The following SASH1 variants were observed in gnomAD, a reference collection of about 807,000 sequenced individuals.
SASH1 encodes SAM and SH3 domain-containing protein 1.
In SASH1, 44 loss-of-function variants were observed where a neutral mutation model predicts 125.2. The ratio of observed to expected loss-of-function variants is 0.35; its 90% CI spans 0.28 to 0.45. The LOEUF is 0.45. Ranked by LOEUF, SASH1 falls within the 20% of genes least tolerant of loss-of-function variation. The pLI, the probability that SASH1 is intolerant of heterozygous loss-of-function variation, is 1.00. For missense variants in SASH1, 1,426 were observed against 1,614.5 expected (o/e 0.88, Z 2.00); for synonymous variants, 639 against 649.1 (o/e 0.98, Z 0.24).
the SASH1 span, among the ~76,000 whole-genome samples, chr6:148,229,749 T>C: frequency 7.5e-6 from 1 of 133,862 alleles, no homozygotes. Flanking sequence ...TGAGACAGAG[T>C]CTTGCTCTGT....
At chr6:148,204,983 A>G in the SASH1 span, among the ~76,000 whole-genome samples, 2 of 152,150 alleles carry the variant, frequency 1.3e-5, no homozygotes, top group African/African-American at 2.4e-5. Context: ...ATCAATGAGC[A>G]TTCAGGAGAT....
chr6:148,416,334 C>A (rs1784814502), intron 2 of SASH1, among the ~76,000 whole-genome samples: 1 of 151,520 alleles, frequency 6.6e-6, no homozygotes, highest in South Asian at 2.1e-4. Flanking sequence ...CCTAAAGTGT[C>A]CTCTGTATCC....
intron 1 of SASH1, 61 bp downstream of exon 1, chr6:148,343,284 CG>C: frequency 3.4e-6 from 5 of 1,491,378 alleles, no homozygotes; most frequent in East Asian, 2.5e-5. Context: ...CCTCTGAAAC[CG>C]GGGGCTCCCT....
chr6:148,326,371 T>TGCATATATATATATATGC (rs1780821965), intron 1 of SASH1, among the ~76,000 whole-genome samples: 2 of 74,494 alleles, frequency 2.7e-5, no homozygotes, highest in African/African-American at 4.4e-5. Context: ...TATATATATA[T>TGCATATATATATATATGC]ATACATTCTT....
chr6:148,520,635 A>G (rs1780752609), intron 10 of SASH1, among the ~76,000 whole-genome samples: 1 of 152,146 alleles, frequency 6.6e-6, no homozygotes, highest in Non-Finnish European at 1.5e-5. Context: ...AAGCTAATCC[A>G]GAGAGGGGCT....
At chr6:148,411,359 A>C (rs1327416958) in intron 2 of SASH1, among the ~76,000 whole-genome samples, 2 of 152,142 alleles carry the variant, frequency 1.3e-5, no homozygotes, top group African/African-American at 2.4e-5. Context: ...CCCAGTAAAC[A>C]TACGCACATA....
chr6:148,214,483 A>G, the SASH1 span, among the ~76,000 whole-genome samples: 6 of 152,320 alleles, frequency 3.9e-5, no homozygotes, highest in African/African-American at 1.2e-4. Context: ...TAAAATTAGT[A>G]TTACCCCATA....
the SASH1 span, among the ~76,000 whole-genome samples, chr6:148,248,878 G>A: frequency 2.6e-5 from 4 of 152,184 alleles, no homozygotes; most frequent in African/African-American, 9.7e-5. Context: ...GGACCACTGT[G>A]GATGTTAAAT....
intron 4 of SASH1, among the ~76,000 whole-genome samples, chr6:148,457,739 A>T (rs2115065564): frequency 6.6e-6 from 1 of 152,314 alleles, no homozygotes; most frequent in South Asian, 2.1e-4. Context: ...TTTATAAAGG[A>T]AAGAGGTTTA....
At chr6:148,432,741 G>A (rs894094494) in intron 2 of SASH1, among the ~76,000 whole-genome samples, 23 of 152,226 alleles carry the variant, frequency 1.5e-4, no homozygotes, top group Non-Finnish European at 1.5e-5. Flanking sequence ...CAGCATTAAG[G>A]GAGGAGGAAC....
chr6:148,339,107 G>T (rs1257191968), upstream of SASH1, among the ~76,000 whole-genome samples: 2 of 151,810 alleles, frequency 1.3e-5, no homozygotes, highest in Admixed American at 1.3e-4. Flanking sequence ...GAAAAGAGTC[G>T]TCAATCTTGG....
intron 4 of SASH1, among the ~76,000 whole-genome samples, chr6:148,462,716 G>T (rs1414131145): frequency 6.6e-6 from 1 of 152,184 alleles, no homozygotes; most frequent in African/African-American, 2.4e-5. Flanking sequence ...GGGCCAGTAT[G>T]TAATGGTATC....
intron 4 of SASH1, among the ~76,000 whole-genome samples, chr6:148,458,980 G>GTA (rs1437537014): frequency 1.6e-5 from 1 of 63,076 alleles, no homozygotes; most frequent in Non-Finnish European, 3.0e-5. Context: ...AAAAAAAAAA[G>GTA]TATACACACA....
intron 4 of SASH1, among the ~76,000 whole-genome samples, chr6:148,453,182 C>T (rs1043533459): frequency 8.5e-5 from 13 of 152,262 alleles, no homozygotes; most frequent in Middle Eastern, 3.4e-3. Context: ...TGTCCTTTGC[C>T]GGTGGCAGGC....
chr6:148,453,815 C>G (rs1022228124), intron 4 of SASH1, among the ~76,000 whole-genome samples: 2 of 152,150 alleles, frequency 1.3e-5, no homozygotes, highest in African/African-American at 4.8e-5. Flanking sequence ...TATGGTGAAC[C>G]CCGCTTGGGG....
rs780901109 is a variant in SASH1, at chr6:148,532,855, G to A, written c.1623G>A (p.Ser541=). Residue 541 remains serine (S), a synonymous_variant, in exon 14 of 20, where the codon TCG becomes TCA. Transcript: ENST00000367467. The surrounding 1 kb of genome is among the most constrained non-coding windows in gnomAD (Gnocchi z 4.7). ...CCAGCAACCGGGAAAGCGTCAAGTC[G>A]GAAGATGGGGATGACGAAGAGCCGC... ...SSTSNRESVK[S]EDGDDEEPPY... is the part of the protein sequence containing the mutation. 8 of 1,614,148 alleles carry A rather than the reference G, an allele frequency of 5.0e-6. No homozygotes were observed. Among genetic ancestry groups the A allele is most frequent in the Admixed American group, 1.7e-5 (1 of 60,014 alleles).
At chr6:148,317,022 A>C (rs4445079) in intron 1 of SASH1, among the ~76,000 whole-genome samples, 13,718 of 152,264 alleles carry the variant, frequency 0.09, 696 homozygotes, top group African/African-American at 0.12. Flanking sequence ...TTTGCACTCC[A>C]TTCTGAGTTA....
chr6:148,515,102 C>G (rs1034970053), intron 9 of SASH1, among the ~76,000 whole-genome samples: 1 of 152,140 alleles, frequency 6.6e-6, no homozygotes, highest in African/African-American at 2.4e-5. Flanking sequence ...TATGACAGTT[C>G]AAATCTCAAC....
In SASH1 at chr6:148,421,194, A is replaced by G. The variant is rs879808654; in HGVS notation, c.286-18990A>G. ...GAAAGAAAGAAAGAAAGAAAGAAAGAAAGAAAGAAAGAAAGAAAGAAAAAG... is the reference window on the plus strand; with the variant it reads ...GAAAGAAAGAAAGAAAGAAAGAAAGGAAGAAAGAAAGAAAGAAAGAAAAAG... On this transcript the variant is annotated intron_variant, in intron 2 of 19. Transcript: ENST00000367467. Among the ~76,000 whole-genome samples the G allele has an allele frequency of 3.5e-3, 510 of 145,238 alleles. 2 individuals are homozygous for G. Among genetic ancestry groups the G allele is most frequent in the African/African-American group, 9.0e-3 (360 of 40,206 alleles).
Sources: gnomAD v4.1 joint callset for allele counts (sites outside exome capture counted in the v4.1 genomes callset) on GRCh38, gnomAD v4.1.1 for gene constraint, Gnocchi (gnomAD v3.1) non-coding constraint, MANE v1.5 for transcripts, NCBI Gene and HGNC (gene_info 2026-07-23, HGNC 2026-07-21) for gene names.